The following PHEX variants were observed in gnomAD, a reference collection of about 807,000 sequenced individuals.
PHEX encodes phosphate regulating endopeptidase X-linked, also known as phosphate-regulating neutral endopeptidase PHEX.
A neutral mutation model predicts 68.0 loss-of-function variants in PHEX; 16 were observed. That is an observed-to-expected ratio of 0.24 (90% CI 0.16 to 0.36). PHEX has a LOEUF of 0.36. PHEX is among the 10% of genes least tolerant of loss of function. The pLI, the probability that PHEX is intolerant of heterozygous loss-of-function variation, is 1.00. For missense variants in PHEX, 480 were observed against 575.5 expected (o/e 0.83, Z 1.70); for synonymous variants, 208 against 205.1 (o/e 1.01, Z -0.12).
chrX:22,210,136 C>T (rs61710547), intron 15 of PHEX, among the ~76,000 whole-genome samples: 6,588 of 111,425 alleles, frequency 0.059, 197 homozygotes, highest in East Asian at 0.21. Flanking sequence ...CCATCTATCA[C>T]TCTAGCTGGT....
At chrX:22,103,820 C>G (rs1264884005) in intron 9 of PHEX, among the ~76,000 whole-genome samples, 2 of 112,207 alleles carry the variant, frequency 1.8e-5, no homozygotes, top group Non-Finnish European at 1.9e-5. Context: ...TGGGTAGATA[C>G]CCAGTAGTGG....
intron 3 of PHEX, among the ~76,000 whole-genome samples, chrX:22,073,646 T>TG (rs1929011700): frequency 2.1e-5 from 2 of 94,663 alleles, no homozygotes; most frequent in East Asian, 3.2e-4. Context: ...TTTTTTTTTT[T>TG]TTTTTTTTTT....
chrX:22,126,735 T>A (rs925134066), intron 11 of PHEX, among the ~76,000 whole-genome samples: 4 of 110,213 alleles, frequency 3.6e-5, no homozygotes, highest in African/African-American at 1.3e-4. Context: ...AATCCTGGGG[T>A]GCAAAGAATG....
At chrX:22,144,740 CT>C (rs1380341736) in intron 12 of PHEX, among the ~76,000 whole-genome samples, 1 of 70,317 alleles carries the variant, frequency 1.4e-5, no homozygotes, top group African/African-American at 6.9e-5. Context: ...TGTTTGCTTT[CT>C]TTTTTTTGAA....
chrX:22,053,584 A>G (rs1927937885), intron 3 of PHEX, among the ~76,000 whole-genome samples: 1 of 112,053 alleles, frequency 8.9e-6, no homozygotes, highest in South Asian at 3.7e-4. Flanking sequence ...TCTTCATGTG[A>G]CCATGAAGAA....
rs145119623 is a variant in PHEX at position 22,168,862 on chromosome X, T to C, written c.1482+473T>C. 2.7e-4 allele frequency among the ~76,000 whole-genome samples: 30 copies of C among 112,242 alleles called. 1 individual carries two copies. The East Asian group carries it at 6.7e-3, about 25-fold the overall frequency. ...CATATACATACGACTCTATAATTTATTGTGAATTGGATTGTGTATTTGCAG... is the reference window on the plus strand; with the variant it reads ...CATATACATACGACTCTATAATTTACTGTGAATTGGATTGTGTATTTGCAG... On this transcript the variant is annotated intron_variant, in intron 13 of 21. Transcript: ENST00000379374.
intron 12 of PHEX, among the ~76,000 whole-genome samples, chrX:22,148,323 T>G (rs2147100519): frequency 9.0e-6 from 1 of 111,659 alleles, no homozygotes; most frequent in South Asian, 3.8e-4. Context: ...GCCGGTCCTC[T>G]TAATGTCTGT....
At chrX:22,207,393 T>A (rs1268731519) in intron 15 of PHEX, among the ~76,000 whole-genome samples, 1 of 111,998 alleles carries the variant, frequency 8.9e-6, no homozygotes, top group East Asian at 2.8e-4. Flanking sequence ...GTTAACTGTT[T>A]TTCAATAGCC....
intron 3 of PHEX, among the ~76,000 whole-genome samples, chrX:22,060,993 G>A (rs1221179519): frequency 1.8e-5 from 2 of 111,298 alleles, no homozygotes; most frequent in East Asian, 2.8e-4. Context: ...GGTAACAGTT[G>A]GGAGGCATAC....
At chrX:22,064,361 C>A (rs1179975071) in intron 3 of PHEX, among the ~76,000 whole-genome samples, 1 of 111,298 alleles carries the variant, frequency 9.0e-6, no homozygotes, top group African/African-American at 3.3e-5. Flanking sequence ...CATGTGTTCT[C>A]TCATTATTTA....
chrX:22,213,871 C>T (rs1309986758), intron 16 of PHEX, among the ~76,000 whole-genome samples: 1 of 112,178 alleles, frequency 8.9e-6, no homozygotes, highest in Non-Finnish European at 1.9e-5. Context: ...TTGGGCTTTC[C>T]CGGTAGCAGA....
At chrX:22,100,907 C>T (rs1215013557) in intron 9 of PHEX, among the ~76,000 whole-genome samples, 1 of 111,685 alleles carries the variant, frequency 9.0e-6, no homozygotes, top group Non-Finnish European at 1.9e-5. Flanking sequence ...CGCGGTGGCT[C>T]ACACCTGTAA....
At chrX:22,168,576 A>C (rs776662868) in intron 13 of PHEX, among the ~76,000 whole-genome samples, 187 bp downstream of exon 13, 1 of 112,099 alleles carries the variant, frequency 8.9e-6, no homozygotes, top group South Asian at 3.7e-4. Context: ...CAGATTCAAA[A>C]TAAAGAAGTG....
chrX:22,209,725 TG>T (rs1230602955), intron 15 of PHEX, among the ~76,000 whole-genome samples: 2 of 61,730 alleles, frequency 3.2e-5, no homozygotes, highest in Non-Finnish European at 6.6e-5. Flanking sequence ...CTGCTCCCTC[TG>T]CTCCCTCTGC....
At position 22,060,129 on chromosome X, in the gene PHEX, T is replaced by A. The variant is rs960151896; in HGVS notation, c.349+12918T>A. Among the ~76,000 whole-genome samples, 4 of 90,890 alleles carry A rather than the reference T, an allele frequency of 4.4e-5. No individual in the cohort carries two copies. In the East Asian group the frequency reaches 1.3e-3, roughly 31 times the overall value. The allele number at this position is 90,890 out of a possible 115,157, so 78.9% of individuals were successfully genotyped here. ...AAGATTGTGCCACTGCACTCCAGCC[T>A]GGGTGAGAGAGCAAAGCCCTGTCTC... On this transcript the variant is annotated intron_variant, in intron 3 of 21. Transcript: ENST00000379374.
chrX:22,221,858 G>C (rs1373276971), intron 18 of PHEX, 115 bp downstream of exon 18: 1 of 688,630 alleles, frequency 1.5e-6, no homozygotes. Flanking sequence ...AACAGCATCT[G>C]TCTTCCTTGG....
intron 3 of PHEX, among the ~76,000 whole-genome samples, chrX:22,051,741 T>C (rs889957421): frequency 6.3e-5 from 7 of 111,087 alleles, no homozygotes; most frequent in Non-Finnish European, 1.3e-4. Flanking sequence ...TAGTGTATCA[T>C]CCTCTACATA....
chrX:22,190,396 G>T, intron 14 of PHEX, 48 bp from the exon 15 acceptor site: 8 of 888,544 alleles, frequency 9.0e-6, no homozygotes, highest in Non-Finnish European at 1.3e-5. Flanking sequence ...CTTCCCTCCT[G>T]CCTGTATAAT....
chrX:22,058,757 T>TA (rs1928228979), intron 3 of PHEX, among the ~76,000 whole-genome samples: 1 of 112,238 alleles, frequency 8.9e-6, no homozygotes, highest in Non-Finnish European at 1.9e-5. Flanking sequence ...ACTATCCTCT[T>TA]ACGCCGCTCT....
Sources: gnomAD v4.1 joint callset for allele counts (sites outside exome capture counted in the v4.1 genomes callset) on GRCh38, gnomAD v4.1.1 for gene constraint, MANE v1.5 for transcripts, NCBI Gene and HGNC (gene_info 2026-07-23, HGNC 2026-07-21) for gene names.